MREG: variants seen among roughly 807,000 people sequenced by gnomAD.
MREG encodes the protein dilute suppressor protein homolog.
MREG carries 31 observed loss-of-function variants against 28.5 expected under a neutral mutation model. The ratio of observed to expected loss-of-function variants is 1.09; its 90% CI spans 0.82 to 1.47. The LOEUF is 1.47. Ranked by LOEUF, MREG falls within the 40% of genes most tolerant of loss-of-function variation. MREG has a pLI of 0.00. For synonymous variants in MREG, 106 were observed against 95.2 expected, an observed-to-expected ratio of 1.11 and a Z score of -0.66; for missense variants, 256 against 257.4, an observed-to-expected ratio of 0.99 and a Z score of 0.04.
chr2:216,011,524 C>T (rs748629165), intron 1 of MREG, among the ~76,000 whole-genome samples: 2 of 152,210 alleles, frequency 1.3e-5, no homozygotes, highest in Non-Finnish European at 2.9e-5. Flanking sequence ...CCCCATTTTA[C>T]AGATGATGAA....
intron 2 of MREG, among the ~76,000 whole-genome samples, chr2:215,977,505 G>C (rs777937917): frequency 4.6e-5 from 7 of 152,182 alleles, no homozygotes; most frequent in Non-Finnish European, 1.0e-4. Flanking sequence ...TCTAGGACTT[G>C]AACTCAGCTT....
chr2:215,957,197 G>A (rs1485281538), intron 2 of MREG, among the ~76,000 whole-genome samples: 1 of 152,188 alleles, frequency 6.6e-6, no homozygotes, highest in Non-Finnish European at 1.5e-5. Flanking sequence ...TATGCCTGAG[G>A]AGGAACTAGG....
At chr2:215,963,379 G>A (rs374925941) in intron 2 of MREG, among the ~76,000 whole-genome samples, 3 of 147,246 alleles carry the variant, frequency 2.0e-5, no homozygotes, top group African/African-American at 5.2e-5. Flanking sequence ...GCAGTAGGCC[G>A]AGATCGTGAT....
intron 1 of MREG, among the ~76,000 whole-genome samples, chr2:216,027,742 GGAAA>G (rs1222722487): frequency 6.6e-6 from 1 of 151,984 alleles, no homozygotes; most frequent in East Asian, 1.9e-4. Context: ...CTTGAAAGAA[GGAAA>G]GAAACAGAAA....
intron 2 of MREG, among the ~76,000 whole-genome samples, chr2:215,976,085 G>A (rs1449905255): frequency 1.4e-5 from 2 of 146,634 alleles, no homozygotes. Context: ...TCCAGCCCAA[G>A]TGATAAAGCA....
chr2:215,945,116 A>G, intron 4 of MREG, 119 bp from the exon 5 acceptor site: 2 of 1,047,302 alleles, frequency 1.9e-6, no homozygotes, highest in Non-Finnish European at 2.6e-6. Flanking sequence ...TGAGCAAGTA[A>G]GACGTTTATT....
intron 1 of MREG, among the ~76,000 whole-genome samples, chr2:216,003,561 G>A (rs926269622): frequency 2.0e-5 from 3 of 151,974 alleles, no homozygotes; most frequent in African/African-American, 7.3e-5. Flanking sequence ...TTCCCGAATC[G>A]GAATCCCCAG....
At chr2:215,994,485 A>C (rs945309811) in intron 2 of MREG, among the ~76,000 whole-genome samples, 2 of 151,736 alleles carry the variant, frequency 1.3e-5, no homozygotes, top group Non-Finnish European at 2.9e-5. Context: ...TGGGTGAGCA[A>C]ACCACCATGG....
intron 2 of MREG, among the ~76,000 whole-genome samples, chr2:215,984,518 C>CAAAAAAAAAAAAAAAA (rs375220091): frequency 8.8e-5 from 6 of 68,040 alleles, no homozygotes; most frequent in African/African-American, 2.1e-4. Flanking sequence ...ACCTTGTCAC[C>CAAAAAAAAAAAAAAAA]AAAAAAAAAA....
Position 215,943,602 on chromosome 2 carries a change from G to A in MREG, c.*1261C>T. On this transcript the variant is annotated 3_prime_UTR_variant, in exon 5 of 5. Coordinates refer to ENST00000263268, the MANE Select transcript of MREG (RefSeq NM_018000.3). ...CACGCCTGTAATCCCAGCACTTTGG[G>A]AGGCTGGGGCAGGCGGATGACGAGG... is the stretch of plus-strand genomic sequence containing the variant. 6.4e-5 allele frequency: 27 copies of A among 422,386 alleles called. No individual in the cohort carries two copies. Among genetic ancestry groups the A allele is most frequent in the South Asian group, 4.6e-4 (27 of 58,478 alleles). 26.2% of individuals were successfully genotyped at this position (422,386 alleles called of 1,614,324 possible).
At chr2:215,996,841 C>T (rs773318562) in intron 1 of MREG, among the ~76,000 whole-genome samples, 2 of 151,990 alleles carry the variant, frequency 1.3e-5, no homozygotes, top group Non-Finnish European at 2.9e-5. Flanking sequence ...AGTGCAGTGG[C>T]ACGACCTCAG....
At chr2:216,032,194 T>C (rs1694720691) in intron 1 of MREG, among the ~76,000 whole-genome samples, 1 of 152,248 alleles carries the variant, frequency 6.6e-6, no homozygotes, top group Admixed American at 6.5e-5. Flanking sequence ...TTGAAAAAGC[T>C]GACTCTGTTG....
At chr2:215,983,393 C>A (rs1430493420) in intron 2 of MREG, among the ~76,000 whole-genome samples, 1 of 152,220 alleles carries the variant, frequency 6.6e-6, no homozygotes, top group African/African-American at 2.4e-5. Context: ...TTCTCCCACC[C>A]AATATTCCAA....
At chr2:215,969,636 G>T (rs146976436) in intron 2 of MREG, among the ~76,000 whole-genome samples, 26 of 152,298 alleles carry the variant, frequency 1.7e-4, no homozygotes, top group Non-Finnish European at 3.7e-4. Flanking sequence ...CAATAATCCT[G>T]CCTGCCCTTT....
At chr2:215,999,230 G>T (rs1172875678) in intron 1 of MREG, among the ~76,000 whole-genome samples, 1 of 152,250 alleles carries the variant, frequency 6.6e-6, no homozygotes, top group East Asian at 1.9e-4. Flanking sequence ...TAGTGCTGGT[G>T]TCCAAGCTTC....
chr2:215,970,704 G>A (rs1350067216), intron 2 of MREG, among the ~76,000 whole-genome samples: 1 of 152,220 alleles, frequency 6.6e-6, no homozygotes, highest in Non-Finnish European at 1.5e-5. Context: ...TAGAGTGGAA[G>A]ACACTTGCCT....
intron 2 of MREG, among the ~76,000 whole-genome samples, chr2:215,991,957 T>C (rs1693732031): frequency 6.6e-6 from 1 of 152,208 alleles, no homozygotes; most frequent in African/African-American, 2.4e-5. Flanking sequence ...AGCCAAATTC[T>C]ACCAGAGGTA....
intron 2 of MREG, among the ~76,000 whole-genome samples, chr2:215,970,545 A>AC (rs1693060389): frequency 6.6e-6 from 1 of 152,226 alleles, no homozygotes; most frequent in Non-Finnish European, 1.5e-5. Flanking sequence ...ACTGTGACTC[A>AC]AGCCTCTCTA....
chr2:216,024,709 A>G (rs1186269070), intron 1 of MREG, among the ~76,000 whole-genome samples: 1 of 151,508 alleles, frequency 6.6e-6, no homozygotes, highest in African/African-American at 2.4e-5. Context: ...CCCCATCTCT[A>G]CTAAAAATTC....
Sources: allele counts gnomAD v4.1 joint callset (sites outside exome capture counted in the v4.1 genomes callset), GRCh38; gene constraint gnomAD v4.1.1; transcripts MANE v1.5; gene names NCBI Gene and HGNC (gene_info 2026-07-23, HGNC 2026-07-21).